The following CATSPERB variants were observed in gnomAD, a reference collection of about 807,000 sequenced individuals.
The protein encoded by CATSPERB is catsper channel auxiliary subunit beta, also known as cation channel sperm-associated auxiliary subunit beta.
In CATSPERB, 93 loss-of-function variants were observed where a neutral mutation model predicts 128.3. The ratio of observed to expected loss-of-function variants is 0.72; its 90% CI spans 0.61 to 0.86. CATSPERB has a LOEUF of 0.86. Among genes scored for constraint, CATSPERB ranks in the 40% least tolerant of loss-of-function variants. The pLI, the probability that CATSPERB is intolerant of heterozygous loss-of-function variation, is 0.00. For synonymous variants in CATSPERB, 381 were observed against 448.8 expected, an observed-to-expected ratio of 0.85 and a Z score of 1.91; for missense variants, 1,153 against 1,329.5, an observed-to-expected ratio of 0.87 and a Z score of 2.06.
rs1478916798 is a variant in CATSPERB at position 91,674,176 on chromosome 14, C to T, written c.978G>A (p.Glu326=). The change falls in exon 12 of 27, where the codon GAG becomes GAA. Residue 326 remains glutamate (E), a splice_region_variant and synonymous_variant. Coordinates refer to ENST00000256343, the MANE Select transcript of CATSPERB (RefSeq NM_024764.4). ...VTFERNRTLS[E]SSSCFYSQEP... ...ACTTATAAAATATTCAATATCATAC[C>T]TCACTTAGGGTTCTGTTTCTCTCAA... is the stretch of plus-strand genomic sequence containing the variant. 3 of 1,497,856 alleles carry T rather than the reference C, an allele frequency of 2.0e-6. No individual in the cohort carries two copies. Among genetic ancestry groups the T allele is most frequent in the Non-Finnish European group, 2.8e-6 (3 of 1,085,916 alleles). The allele number at this position is 1,497,856 out of a possible 1,614,324, so 92.8% of individuals were successfully genotyped here.
intron 2 of CATSPERB, among the ~76,000 whole-genome samples, chr14:91,728,577 A>C (rs113531518): frequency 0.011 from 1,707 of 152,160 alleles, 34 homozygotes; most frequent in African/African-American, 0.039. Context: ...AAACAATTTC[A>C]AACTTTTCTA....
rs187618901 is a variant in CATSPERB at position 91,721,835 on chromosome 14, A to G, written c.309+1214T>C. 5.1e-3 allele frequency among the ~76,000 whole-genome samples: 764 copies of G among 150,912 alleles called. 7 individuals are homozygous for G. The highest frequency in any genetic ancestry group is 0.017 in the African/African-American group (712 of 41,086). ...ACTGCACTCCAGCCTGGGTGACAGA[A>G]CGAGACTCTGTCTAAAAAAAAAAAA... On this transcript the variant is annotated intron_variant, in intron 4 of 26. Coordinates refer to ENST00000256343, the MANE Select transcript of CATSPERB (RefSeq NM_024764.4).
chr14:91,616,746 T>C (rs911635045), intron 20 of CATSPERB, among the ~76,000 whole-genome samples: 2 of 143,966 alleles, frequency 1.4e-5, no homozygotes, highest in Non-Finnish European at 3.0e-5. Context: ...TTTTTTTTTT[T>C]TTTTTTTTTT....
At position 91,705,994 on chromosome 14, in the gene CATSPERB, G is replaced by A. The variant is rs919030680; in HGVS notation, c.467-1293C>T. On this transcript the variant is annotated intron_variant, in intron 6 of 26. Coordinates refer to ENST00000256343, the MANE Select transcript of CATSPERB (RefSeq NM_024764.4). ...AAAAGAGTACAAAAAGTAAGCCAGG[G>A]CAATTTGAAAGACAACTGCTGTCTG... is the stretch of plus-strand genomic sequence containing the variant. Among the ~76,000 whole-genome samples the A allele has an allele frequency of 3.3e-5, 5 of 152,112 alleles. 1 individual carries two copies. The highest frequency in any genetic ancestry group is 1.3e-4 in the Admixed American group (2 of 15,274).
chr14:91,663,169 G>A (rs1894914293), intron 14 of CATSPERB, among the ~76,000 whole-genome samples: 1 of 152,004 alleles, frequency 6.6e-6, no homozygotes, highest in Admixed American at 6.6e-5. Context: ...GTGAAGTTAA[G>A]AGACTCTGTG....
intron 15 of CATSPERB, among the ~76,000 whole-genome samples, chr14:91,653,849 A>C (rs1894746760): frequency 6.6e-6 from 1 of 152,210 alleles, no homozygotes; most frequent in Non-Finnish European, 1.5e-5. Context: ...GGGAAAAATC[A>C]AGCCCTCATA....
In CATSPERB at chr14:91,624,969, T is replaced by C. The variant is rs781328597; in HGVS notation, c.1781A>G (p.His594Arg). The change falls in exon 18 of 27, where the codon CAT becomes CGT. Residue 594 changes from histidine to arginine, a missense_variant. By Grantham distance (29) the His-to-Arg change is conservative. Coordinates refer to ENST00000256343, the MANE Select transcript of CATSPERB (RefSeq NM_024764.4). ...GGACAAAAATCCTTTAGGAGTCGTATGTTGCAATACCTTTCTTATGTAAGC... is the reference window on the plus strand; with the variant it reads ...GGACAAAAATCCTTTAGGAGTCGTACGTTGCAATACCTTTCTTATGTAAGC... The part of the protein sequence containing the change: ...GRAYIRKVLQ[H>R]TTPKGFLSSV... The C allele has an allele frequency of 3.1e-6, 5 of 1,607,590 alleles. No individual in the cohort carries two copies. Among genetic ancestry groups the C allele is most frequent in the Non-Finnish European group, 4.2e-6 (5 of 1,178,342 alleles).
intron 5 of CATSPERB, among the ~76,000 whole-genome samples, chr14:91,714,143 C>T (rs1895890128): frequency 6.6e-6 from 1 of 151,964 alleles, no homozygotes; most frequent in South Asian, 2.1e-4. Flanking sequence ...AAGGAAATTT[C>T]TTCAACCTGA....
rs755149447 is a variant in CATSPERB at position 91,669,877 on chromosome 14, G to A, written c.1224C>T (p.Phe408=). 22 of 1,613,830 alleles carry A rather than the reference G, an allele frequency of 1.4e-5. No homozygotes were observed. The highest frequency in any genetic ancestry group is 1.8e-5 in the Non-Finnish European group (21 of 1,179,974). ...GAAATACCATTCCAACGGGAGAAGA[G>A]AATGATGAAGGAAACCGAAAAATTG... The part of the protein sequence containing the change: ...KFPIFRFPSS[F]SSPVGMVFHP... Residue 408 remains phenylalanine (F), a synonymous_variant, in exon 14 of 27, where the codon TTC becomes TTT. Transcript: ENST00000256343.
At chr14:91,702,632 T>C (rs1294303981) in intron 7 of CATSPERB, among the ~76,000 whole-genome samples, 1 of 151,030 alleles carries the variant, frequency 6.6e-6, no homozygotes, top group Non-Finnish European at 1.5e-5. Context: ...GAATTTTGTG[T>C]TTGGCTTGCC....
intron 15 of CATSPERB, among the ~76,000 whole-genome samples, chr14:91,645,894 G>A (rs1360110940): frequency 1.3e-5 from 2 of 148,508 alleles, no homozygotes; most frequent in African/African-American, 5.0e-5. Flanking sequence ...AGCCAGGTGT[G>A]GGATATAGTC....
intron 22 of CATSPERB, among the ~76,000 whole-genome samples, chr14:91,598,838 AC>A (rs1893557423): frequency 6.9e-6 from 1 of 144,624 alleles, no homozygotes; most frequent in Non-Finnish European, 1.5e-5. Context: ...AGCCTGGGCA[AC>A]AGAGCAAGAC....
At chr14:91,621,462 A>G (rs1435873613) in intron 19 of CATSPERB, 146 bp downstream of exon 19, 1 of 605,560 alleles carries the variant, frequency 1.7e-6, no homozygotes, top group Non-Finnish European at 2.9e-6. Flanking sequence ...TAAGTACTCA[A>G]TAATTAGGCA....
At chr14:91,605,393 T>C in intron 22 of CATSPERB, 1 of 553,014 alleles carries the variant, frequency 1.8e-6, no homozygotes, top group Non-Finnish European at 3.2e-6. Context: ...TTTAAGACTT[T>C]TTTCTGGAAG....
chr14:91,654,757 A>G (rs1397596115), intron 15 of CATSPERB, among the ~76,000 whole-genome samples: 1 of 152,122 alleles, frequency 6.6e-6, no homozygotes. Context: ...TAGAGTGAAC[A>G]TAGGTAGTAG....
intron 1 of CATSPERB, among the ~76,000 whole-genome samples, chr14:91,730,896 C>T (rs1035345477): frequency 1.3e-5 from 2 of 152,086 alleles, no homozygotes; most frequent in Non-Finnish European, 2.9e-5. Flanking sequence ...GTTTTTAGTG[C>T]ATTTTTAAAA....
Position 91,631,291 on chromosome 14 carries a change from A to G in CATSPERB, c.1742+5134T>C, listed in dbSNP as rs540610813. ...TGAATGAATGAAGAGCTTTACTGAA[A>G]CCTTTGTGTGTTGATGATACATTCC... On this transcript the variant is annotated intron_variant, in intron 17 of 26. Transcript: ENST00000256343. Among the ~76,000 whole-genome samples, 25 of 152,312 alleles carry G rather than the reference A, an allele frequency of 1.6e-4. No individual in the cohort carries two copies. In the South Asian group the frequency reaches 5.2e-3, roughly 32 times the overall value.
chr14:91,698,377 A>G (rs966672402), intron 7 of CATSPERB, among the ~76,000 whole-genome samples: 26 of 152,188 alleles, frequency 1.7e-4, no homozygotes, highest in African/African-American at 5.5e-4. Flanking sequence ...ATTTGGATGC[A>G]TTTTGTTTCT....
intron 23 of CATSPERB, 135 bp downstream of exon 23, chr14:91,591,757 G>T: frequency 6.2e-6 from 4 of 645,910 alleles, no homozygotes; most frequent in East Asian, 2.6e-5. Flanking sequence ...TTTCTAGCTC[G>T]GTGTCATATT....
Sources: gnomAD v4.1 joint callset for allele counts (sites outside exome capture counted in the v4.1 genomes callset) on GRCh38, gnomAD v4.1.1 for gene constraint, MANE v1.5 for transcripts, NCBI Gene and HGNC (gene_info 2026-07-23, HGNC 2026-07-21) for gene names.